The following MCM6 variants were observed in gnomAD, a reference collection of about 807,000 sequenced individuals.
MCM6 encodes DNA replication licensing factor MCM6.
In MCM6, 46 loss-of-function variants were observed where a neutral mutation model predicts 94.3. The observed-to-expected ratio is 0.49, with a 90% CI of 0.39 to 0.62. The LOEUF is 0.62. MCM6 is among the 20% of genes least tolerant of loss of function. MCM6 has a pLI of 0.00. For missense variants in MCM6, 865 were observed against 1,017.9 expected, an observed-to-expected ratio of 0.85 and a Z score of 2.04; for synonymous variants, 335 against 351.9, an observed-to-expected ratio of 0.95 and a Z score of 0.54.
intron 2 of MCM6, among the ~76,000 whole-genome samples, chr2:135,871,014 A>G (rs1394599084): frequency 6.6e-6 from 1 of 152,080 alleles, no homozygotes; most frequent in East Asian, 1.9e-4. Flanking sequence ...CAGCCTCCCA[A>G]AGTGTTAGGA....
At chr2:135,868,156 A>G (rs897843229) in intron 4 of MCM6, among the ~76,000 whole-genome samples, 7 of 152,196 alleles carry the variant, frequency 4.6e-5, no homozygotes, top group Non-Finnish European at 8.8e-5. Flanking sequence ...AAGTACCTCC[A>G]GGTCTCACAT....
intron 1 of MCM6, among the ~76,000 whole-genome samples, chr2:135,875,965 T>G (rs546731440): frequency 9.8e-5 from 15 of 152,322 alleles, no homozygotes; most frequent in Non-Finnish European, 1.9e-4. Context: ...CACCGAGGGC[T>G]GTGCAAATAC....
chr2:135,864,106 G>A (rs1246681681), intron 7 of MCM6, among the ~76,000 whole-genome samples: 1 of 152,018 alleles, frequency 6.6e-6, no homozygotes, highest in Non-Finnish European at 1.5e-5. Flanking sequence ...GTGAGACTCT[G>A]TCTCAAAATA....
At chr2:135,854,529 CAAAAA>C (rs1181597035) in intron 11 of MCM6, among the ~76,000 whole-genome samples, 16 of 49,974 alleles carry the variant, frequency 3.2e-4, no homozygotes, top group Middle Eastern at 0.012. Context: ...GACTCCATCT[CAAAAA>C]AAAAAAAAAA....
At chr2:135,866,467 G>C in intron 5 of MCM6, 96 bp downstream of exon 5, 1 of 1,450,720 alleles carries the variant, frequency 6.9e-7, no homozygotes, top group Non-Finnish European at 9.3e-7. Flanking sequence ...GCTTCTGATT[G>C]GTAGCCAAAA....
intron 2 of MCM6, among the ~76,000 whole-genome samples, chr2:135,871,101 G>C (rs4988161): frequency 6.6e-6 from 1 of 152,096 alleles, no homozygotes; most frequent in Non-Finnish European, 1.5e-5. Context: ...GTGCACTAAT[G>C]TGAGAACAAA....
chr2:135,852,741 T>G (rs754865577), intron 12 of MCM6, 46 bp downstream of exon 12: 1 of 1,306,952 alleles, frequency 7.7e-7, no homozygotes, highest in Admixed American at 2.9e-5. Flanking sequence ...AAATTCCACT[T>G]TAATATACCC....
intron 14 of MCM6, among the ~76,000 whole-genome samples, chr2:135,847,719 AC>A (rs1679698316): frequency 6.6e-6 from 1 of 152,106 alleles, no homozygotes; most frequent in Non-Finnish European, 1.5e-5. Flanking sequence ...AGCCGCCACC[AC>A]GCCTGGCTAA....
At chr2:135,858,466 G>A (rs4988205) in intron 9 of MCM6, among the ~76,000 whole-genome samples, 6,382 of 152,170 alleles carry the variant, frequency 0.042, 415 homozygotes, top group African/African-American at 0.15. Flanking sequence ...CAGCCTGGGC[G>A]ACAGAGCAAG....
At chr2:135,856,389 G>A (rs576003100) in intron 11 of MCM6, among the ~76,000 whole-genome samples, 1 of 152,280 alleles carries the variant, frequency 6.6e-6, no homozygotes, top group South Asian at 2.1e-4. Context: ...GTTGCAGTAG[G>A]CCAAGACTGT....
At chr2:135,853,754 A>C (rs1679818530) in intron 11 of MCM6, among the ~76,000 whole-genome samples, 1 of 152,118 alleles carries the variant, frequency 6.6e-6, no homozygotes, top group African/African-American at 2.4e-5. Context: ...AAGACCCCAA[A>C]ATATGCAACT....
In MCM6 at chr2:135,856,877, G is replaced by T. The variant is rs761800905; in HGVS notation, c.1477C>A (p.Leu493Met). Residue 493 changes from leucine to methionine, a missense_variant, in exon 11 of 17, where the codon CTG (leucine) becomes ATG (methionine). By Grantham distance (15) the Leu-to-Met change is conservative. Coordinates refer to ENST00000264156, the MANE Select transcript of MCM6 (RefSeq NM_005915.6). ...GCCAAAATGGACGTCCGGGCGTTCA[G>T]AGTAGCCTGACCACAAAAGAAAGAA... ...SITKAGVKAT[L>M]NARTSILAAA... The T allele has an allele frequency of 6.2e-7, 1 of 1,612,162 alleles. No individual in the cohort carries two copies. Among genetic ancestry groups the T allele is most frequent in the African/African-American group, 1.3e-5 (1 of 74,940 alleles).
chr2:135,857,250 G>A (rs1302003924), intron 10 of MCM6, among the ~76,000 whole-genome samples: 1 of 152,156 alleles, frequency 6.6e-6, no homozygotes, highest in Non-Finnish European at 1.5e-5. Context: ...AACCAAAGTT[G>A]ATCTAATATG....
intron 14 of MCM6, among the ~76,000 whole-genome samples, chr2:135,847,313 G>T (rs1041675123): frequency 6.6e-6 from 1 of 152,126 alleles, no homozygotes; most frequent in Admixed American, 6.5e-5. Flanking sequence ...CTATTAGAGA[G>T]GATAGGGAGA....
At chr2:135,868,496 T>C in intron 4 of MCM6, 115 bp downstream of exon 4, 1 of 1,035,430 alleles carries the variant, frequency 9.7e-7, no homozygotes, top group Non-Finnish European at 1.4e-6. Context: ...ATTTTGATGA[T>C]GCTTAACTTA....
At position 135,853,168 on chromosome 2, in the gene MCM6, A is replaced by G. The variant is rs542343103; in HGVS notation, c.1627-253T>C. Among the ~76,000 whole-genome samples, 5 of 152,324 alleles carry G rather than the reference A, an allele frequency of 3.3e-5. No individual in the cohort carries two copies. In the East Asian group the frequency reaches 7.7e-4, roughly 23 times the overall value. ...TTGGCTTTAAAAACAATAGTAGGGT[A>G]AAGTGCAGTGGCTCACACTTGTAAT... is the stretch of plus-strand genomic sequence containing the variant. On this transcript the variant is annotated intron_variant, in intron 11 of 16. Coordinates refer to ENST00000264156, the MANE Select transcript of MCM6 (RefSeq NM_005915.6).
intron 3 of MCM6, 96 bp from the exon 4 acceptor site, chr2:135,868,956 A>C (rs1164422912): frequency 1.8e-6 from 2 of 1,108,210 alleles, no homozygotes; most frequent in African/African-American, 3.2e-5. Flanking sequence ...ATTTATGTTT[A>C]AAAAAAAAAT....
At chr2:135,865,552 G>T (rs1198783295) in intron 6 of MCM6, among the ~76,000 whole-genome samples, 1 of 149,686 alleles carries the variant, frequency 6.7e-6, no homozygotes, top group African/African-American at 2.6e-5. Flanking sequence ...ATACTGCCAG[G>T]GGTTCATCAT....
At chr2:135,858,863 G>A (rs1300642570) in intron 9 of MCM6, among the ~76,000 whole-genome samples, 6 of 150,574 alleles carry the variant, frequency 4.0e-5, no homozygotes, top group Admixed American at 4.0e-4. Flanking sequence ...AGAAAACTAT[G>A]AATTATTTAC....
Sources: gnomAD v4.1 joint callset for allele counts (sites outside exome capture counted in the v4.1 genomes callset) on GRCh38, gnomAD v4.1.1 for gene constraint, MANE v1.5 for transcripts, NCBI Gene and HGNC (gene_info 2026-07-23, HGNC 2026-07-21) for gene names.